Variants in PTPRG observed in about 807,000 individuals in gnomAD.
The protein encoded by PTPRG is protein tyrosine phosphatase receptor type G, also known as receptor-type tyrosine-protein phosphatase gamma.
PTPRG carries 102 observed loss-of-function variants against 165.3 expected under a neutral mutation model. The ratio of observed to expected loss-of-function variants is 0.62; its 90% CI spans 0.53 to 0.73. PTPRG has a LOEUF of 0.73. Ranked by LOEUF, PTPRG falls within the 30% of genes least tolerant of loss-of-function variation. PTPRG has a pLI of 0.00. For missense variants in PTPRG, 1,866 were observed against 1,861.4 expected, an observed-to-expected ratio of 1.00 and a Z score of -0.05; for synonymous variants, 675 against 669.5, an observed-to-expected ratio of 1.01 and a Z score of -0.13.
At chr3:61,614,544 G>A (rs1360072235) in intron 1 of PTPRG, among the ~76,000 whole-genome samples, 1 of 149,316 alleles carries the variant, frequency 6.7e-6, no homozygotes, top group Non-Finnish European at 1.5e-5. Context: ...CAAGTAGTTG[G>A]GACCACAGGT....
At chr3:61,974,580 C>T (rs2040460097) in intron 2 of PTPRG, among the ~76,000 whole-genome samples, 1 of 151,948 alleles carries the variant, frequency 6.6e-6, no homozygotes, top group Non-Finnish European at 1.5e-5. Flanking sequence ...TTAAATATGT[C>T]CTTTATGGAA....
chr3:61,670,292 A>T (rs1178172114), intron 1 of PTPRG, among the ~76,000 whole-genome samples: 1 of 152,188 alleles, frequency 6.6e-6, no homozygotes, highest in Non-Finnish European at 1.5e-5. Context: ...GTTCTTTTTG[A>T]AAATGTGTTA....
Position 62,078,238 on chromosome 3 carries a change from G to A in PTPRG, c.595G>A (p.Ala199Thr), listed in dbSNP as rs750545987. ...AATTTCTGAGAACAGAATAATCGGA[G>A]CCATGGCCATATTTTTTCAAGTAAG... ...TAISENRIIG[A>T]MAIFFQVSPR... Residue 199 changes from alanine (A) to threonine (T), a missense_variant, in exon 5 of 30, where the codon GCC (alanine) becomes ACC (threonine). By Grantham distance (58) the Ala-to-Thr change is moderately conservative. This residue lies in a region of PTPRG where 408 missense variants were observed against 376.2 expected (regional missense o/e 1.08). Coordinates refer to ENST00000474889, the MANE Select transcript of PTPRG (RefSeq NM_002841.4). The A allele has an allele frequency of 5.6e-6, 9 of 1,602,456 alleles. No homozygotes were observed. The highest frequency in any genetic ancestry group is 6.8e-6 in the Non-Finnish European group (8 of 1,174,064).
At chr3:61,737,994 C>T (rs752533505) in intron 1 of PTPRG, among the ~76,000 whole-genome samples, 11 of 148,704 alleles carry the variant, frequency 7.4e-5, no homozygotes, top group Non-Finnish European at 1.2e-4. Context: ...CTGCAAGCTC[C>T]GCCTCCGGGG....
At chr3:61,677,238 C>T (rs1375731817) in intron 1 of PTPRG, among the ~76,000 whole-genome samples, 13 of 142,584 alleles carry the variant, frequency 9.1e-5, no homozygotes. Context: ...GAGCGAGACT[C>T]CGTCTCAAAA....
rs986757517 is a variant in PTPRG at position 61,897,547 on chromosome 3, A to G, written c.191-92078A>G. On this transcript the variant is annotated intron_variant, in intron 2 of 29. Transcript: ENST00000474889. Reference sequence around the variant, plus strand: ...TTCTTCTCTCTCGATTGTTCTGTCAAGATTTTTGTAGCCATTCTAGGGCCT... The same window carrying G: ...TTCTTCTCTCTCGATTGTTCTGTCAGGATTTTTGTAGCCATTCTAGGGCCT... 2.6e-5 allele frequency among the ~76,000 whole-genome samples: 4 copies of G among 152,264 alleles called. No individual in the cohort carries two copies. The East Asian group carries it at 7.7e-4, about 29-fold the overall frequency.
At chr3:61,789,951 T>C (rs570529889) in intron 2 of PTPRG, among the ~76,000 whole-genome samples, 9 of 152,358 alleles carry the variant, frequency 5.9e-5, no homozygotes, top group African/African-American at 1.9e-4. Context: ...TGAGATCTTG[T>C]GCATCACATG....
rs147816776 is a variant in PTPRG, at chr3:62,219,584, G to A, written c.2288+601G>A. ...GTTTAGAAGTTGTGTTTTTTCAGCC[G>A]GACCGTCTCAGCCAGCTCAGCTGAG... is the stretch of plus-strand genomic sequence containing the variant. On this transcript the variant is annotated intron_variant, in intron 13 of 29. Transcript: ENST00000474889. The surrounding 1 kb of genome is among the most constrained non-coding windows in gnomAD (Gnocchi z 4.5). 6.6e-5 allele frequency among the ~76,000 whole-genome samples: 10 copies of A among 152,124 alleles called. No homozygotes were observed. The highest frequency in any genetic ancestry group is 7.4e-5 in the Non-Finnish European group (5 of 68,010).
intron 4 of PTPRG, among the ~76,000 whole-genome samples, chr3:62,039,604 A>T (rs889718783): frequency 6.6e-6 from 1 of 152,204 alleles, no homozygotes; most frequent in Admixed American, 6.5e-5. Context: ...AAGGGAGTCT[A>T]TGTACAGAAC....
At chr3:62,136,247 A>G (rs964165828) in intron 6 of PTPRG, among the ~76,000 whole-genome samples, 2 of 152,164 alleles carry the variant, frequency 1.3e-5, no homozygotes, top group African/African-American at 2.4e-5. Context: ...TGCCCTCACC[A>G]TGTATGCATA....
intron 2 of PTPRG, among the ~76,000 whole-genome samples, chr3:61,906,338 C>A (rs1241762522): frequency 1.3e-5 from 2 of 151,836 alleles, no homozygotes; most frequent in African/African-American, 4.8e-5. Context: ...CACCTTTAAT[C>A]CCAGCTCCTC....
chr3:61,936,744 G>A (rs1052708568), intron 2 of PTPRG, among the ~76,000 whole-genome samples: 2 of 152,166 alleles, frequency 1.3e-5, no homozygotes, highest in Middle Eastern at 3.2e-3. Flanking sequence ...AAATCCTTAC[G>A]TTTTGGATGT....
chr3:61,885,687 C>CTCTCT (rs2038013684), intron 2 of PTPRG, among the ~76,000 whole-genome samples: 1 of 115,932 alleles, frequency 8.6e-6, no homozygotes, highest in Non-Finnish European at 1.9e-5. Context: ...CTCTCCTCTC[C>CTCTCT]TCTCCTCTCC....
rs1473323251 is a variant in PTPRG at position 61,940,786 on chromosome 3, C to T, written c.191-48839C>T. On this transcript the variant is annotated intron_variant, in intron 2 of 29. Coordinates refer to ENST00000474889, the MANE Select transcript of PTPRG (RefSeq NM_002841.4). The stretch of plus-strand genomic sequence containing the variant: ...TCATGCCATTCTCCTGCCTCAGCCT[C>T]CCAAGTAGCTGGGACTACAGGCGCC... 3.9e-5 allele frequency among the ~76,000 whole-genome samples: 6 copies of T among 152,062 alleles called. No homozygotes were observed. In the East Asian group the frequency reaches 1.2e-3, roughly 29 times the overall value.
At chr3:61,971,388 C>G (rs1224533561) in intron 2 of PTPRG, among the ~76,000 whole-genome samples, 1 of 152,120 alleles carries the variant, frequency 6.6e-6, no homozygotes, top group East Asian at 1.9e-4. Context: ...CAAGATATTC[C>G]AGGAAGAAAA....
chr3:61,814,033 T>TG (rs2035679559), intron 2 of PTPRG, among the ~76,000 whole-genome samples: 2 of 152,034 alleles, frequency 1.3e-5, no homozygotes, highest in Admixed American at 1.3e-4. Flanking sequence ...CCAGAGTAGC[T>TG]GGGACCACAG....
At chr3:61,804,842 A>C (rs2035364481) in intron 2 of PTPRG, among the ~76,000 whole-genome samples, 1 of 152,220 alleles carries the variant, frequency 6.6e-6, no homozygotes. Context: ...GCAGTTTTGA[A>C]GCATAGGATT....
At chr3:61,807,254 A>T (rs964160063) in intron 2 of PTPRG, among the ~76,000 whole-genome samples, 1 of 152,200 alleles carries the variant, frequency 6.6e-6, no homozygotes, top group Non-Finnish European at 1.5e-5. Flanking sequence ...ATAAGAAAGG[A>T]TTACCACTCT....
At chr3:61,749,867 T>G (rs2033361725) in intron 2 of PTPRG, 1 of 152,260 alleles carries the variant, frequency 6.6e-6, no homozygotes, top group South Asian at 2.1e-4. Flanking sequence ...GCAATGTTGT[T>G]GCATATAGAA....
Sources: allele counts gnomAD v4.1 joint callset (sites outside exome capture counted in the v4.1 genomes callset), GRCh38; gene constraint gnomAD v4.1.1; regional missense constraint gnomAD v4.1.1; non-coding constraint Gnocchi (gnomAD v3.1); transcripts MANE v1.5; gene names NCBI Gene and HGNC (gene_info 2026-07-23, HGNC 2026-07-21).